POPDC1: variants seen among roughly 807,000 people sequenced by gnomAD.
POPDC1 encodes the protein popeye domain-containing protein 1.
chr6:105,101,079 C>A, the POPDC1 span: 1 of 1,600,032 alleles, frequency 6.2e-7, no homozygotes, highest in South Asian at 1.1e-5. Context: ...AACCTGAATT[C>A]TCTCTCTGAT....
chr6:105,112,301 T>TG, the POPDC1 span, among the ~76,000 whole-genome samples: 3 of 152,212 alleles, frequency 2.0e-5, no homozygotes, highest in African/African-American at 4.8e-5. Context: ...GTGTAGTGGC[T>TG]GAATGCGATG....
the POPDC1 span, among the ~76,000 whole-genome samples, chr6:105,118,101 A>G: frequency 2.6e-5 from 4 of 152,288 alleles, no homozygotes; most frequent in African/African-American, 7.2e-5. Context: ...GAACACAAAT[A>G]CCGCAGTAGG....
chr6:105,118,663 GA>G, the POPDC1 span, among the ~76,000 whole-genome samples: 48 of 152,298 alleles, frequency 3.2e-4, no homozygotes, highest in East Asian at 8.5e-3. Flanking sequence ...TAGAACAGGG[GA>G]AAGTGGTCGA....
chr6:105,106,638 G>C, the POPDC1 span, among the ~76,000 whole-genome samples: 1 of 152,142 alleles, frequency 6.6e-6, no homozygotes, highest in Non-Finnish European at 1.5e-5. Context: ...TTAGGGAGGA[G>C]GGGAGCCCAT....
the POPDC1 span, chr6:105,101,012 G>A: frequency 6.7e-7 from 1 of 1,498,876 alleles, no homozygotes. Context: ...TAACCTAAAA[G>A]CCATGAAAAA....
the POPDC1 span, chr6:105,100,336 C>CGTCTCT: frequency 6.6e-6 from 1 of 151,552 alleles, no homozygotes; most frequent in African/African-American, 2.4e-5. Context: ...AGTGAAACCC[C>CGTCTCT]ATCTCTACTA....
chr6:105,101,104 G>A, the POPDC1 span: 44 of 1,611,562 alleles, frequency 2.7e-5, no homozygotes, highest in East Asian at 8.5e-4. Context: ...GCAGCTGATG[G>A]ACTTTCAATG....
the POPDC1 span, among the ~76,000 whole-genome samples, chr6:105,107,111 T>C: frequency 1.2e-3 from 179 of 150,972 alleles, 4 homozygotes; most frequent in East Asian, 0.032. Flanking sequence ...CCCACCCCCA[T>C]TACCCTTTCC....
the POPDC1 span, chr6:105,125,335 AG>A: frequency 6.4e-7 from 1 of 1,568,142 alleles, no homozygotes; most frequent in Admixed American, 1.7e-5. Flanking sequence ...TCCTTCCCAG[AG>A]GCCATGAAAA....
chr6:105,125,268 A>C, the POPDC1 span: 11 of 1,195,236 alleles, frequency 9.2e-6, no homozygotes, highest in Non-Finnish European at 1.2e-5. Context: ...AATTCCACCA[A>C]CAACAAACTC....
At chr6:105,101,016 T>C in the POPDC1 span, 1 of 1,512,272 alleles carries the variant, frequency 6.6e-7, no homozygotes, top group East Asian at 2.3e-5. Context: ...CTAAAAGCCA[T>C]GAAAAAGTGC....
chr6:105,116,714 G>A, the POPDC1 span: 5 of 1,592,628 alleles, frequency 3.1e-6, no homozygotes, highest in East Asian at 4.5e-5. Context: ...ATCATTTAAG[G>A]TGGGATCATT....
chr6:105,123,141 T>G, the POPDC1 span, among the ~76,000 whole-genome samples: 6 of 152,212 alleles, frequency 3.9e-5, no homozygotes, highest in Non-Finnish European at 8.8e-5. Flanking sequence ...CTAACATTCC[T>G]TCCTCCCTCA....
chr6:105,133,887 T>C, the POPDC1 span, among the ~76,000 whole-genome samples: 1 of 152,140 alleles, frequency 6.6e-6, no homozygotes, highest in African/African-American at 2.4e-5. Flanking sequence ...GTATAAACAC[T>C]TGTAGGGAAG....
the POPDC1 span, chr6:105,115,831 C>G: frequency 6.2e-7 from 1 of 1,612,562 alleles, no homozygotes; most frequent in Admixed American, 1.7e-5. Flanking sequence ...TGGCTTTCTA[C>G]AAAGCAAAGT....
chr6:105,109,810 G>A, the POPDC1 span, among the ~76,000 whole-genome samples: 5 of 123,468 alleles, frequency 4.0e-5, no homozygotes, highest in Admixed American at 4.5e-4. Context: ...AATAAATAAC[G>A]GCACATCATT....
the POPDC1 span, chr6:105,100,252 G>C: frequency 1.3e-5 from 2 of 152,208 alleles, no homozygotes; most frequent in African/African-American, 4.8e-5. Context: ...GCTCACGCCT[G>C]TAATCCCAGC....
At chr6:105,137,069 G>C in the POPDC1 span, 3 of 151,962 alleles carry the variant, frequency 2.0e-5, no homozygotes, top group Non-Finnish European at 4.4e-5. Context: ...GCTGCTCGAC[G>C]GGAGCCCGAC....
chr6:105,116,872 C>T, the POPDC1 span: 1 of 1,609,492 alleles, frequency 6.2e-7, no homozygotes, highest in Admixed American at 1.7e-5. Flanking sequence ...TGGTGACCTG[C>T]CAAAGAAACA....
Sources: allele counts gnomAD v4.1 joint callset (sites outside exome capture counted in the v4.1 genomes callset), GRCh38; gene constraint gnomAD v4.1.1; transcripts MANE v1.5; gene names NCBI Gene and HGNC (gene_info 2026-07-23, HGNC 2026-07-21).